The following TMEM67 variants were observed in gnomAD, a reference collection of about 807,000 sequenced individuals.
TMEM67 encodes transmembrane protein 67.
In TMEM67, 124 loss-of-function variants were observed where a neutral mutation model predicts 136.6. The observed-to-expected ratio is 0.91, with a 90% confidence interval of 0.78 to 1.05. The LOEUF is 1.05. Among genes scored for constraint, TMEM67 ranks in the 50% least tolerant of loss-of-function variants. The probability of loss-of-function intolerance (pLI) is 0.00; values close to 1 mark genes in which losing one functional copy is unlikely to be tolerated. For missense variants in TMEM67, 1,107 were observed against 1,178.4 expected, an observed-to-expected ratio of 0.94 and a Z score of 0.89; for synonymous variants, 364 against 390.5, an observed-to-expected ratio of 0.93 and a Z score of 0.80.
chr8:93,806,480 A>G (rs1359137262), intron 23 of TMEM67, among the ~76,000 whole-genome samples: 1 of 152,118 alleles, frequency 6.6e-6, no homozygotes, highest in African/African-American at 2.4e-5. Flanking sequence ...AGATGAAACA[A>G]AATTGATAAA....
intron 27 of TMEM67, among the ~76,000 whole-genome samples, chr8:93,816,164 T>A (rs569338282): frequency 6.6e-6 from 1 of 152,226 alleles, no homozygotes; most frequent in Non-Finnish European, 1.5e-5. Flanking sequence ...TATTAATTCA[T>A]AAGAATTTAC....
intron 15 of TMEM67, chr8:93,791,869 T>C (rs1302252762): frequency 1.3e-5 from 2 of 150,232 alleles, no homozygotes; most frequent in Non-Finnish European, 3.0e-5. Context: ...CCCCCTCTCA[T>C]TTTTTTTTTG....
chr8:93,766,722 T>C lies in TMEM67; in HGVS notation c.651+1076T>C, dbSNP rs530379574. Among the ~76,000 whole-genome samples, 4 of 152,170 alleles carry C rather than the reference T, an allele frequency of 2.6e-5. No homozygotes were observed. In the East Asian group the frequency reaches 7.7e-4, roughly 29 times the overall value. On this transcript the variant is annotated intron_variant, in intron 6 of 27. Transcript: ENST00000453321. ...AGAGTGATTAAGAGGACTGTGAGGA[T>C]AGCAATGATGAGGGTGGGATCTAGG...
At chr8:93,787,493 T>G (rs1033576633) in intron 13 of TMEM67, among the ~76,000 whole-genome samples, 1 of 152,236 alleles carries the variant, frequency 6.6e-6, no homozygotes, top group Admixed American at 6.5e-5. Context: ...CATGTAGCAC[T>G]GTACTTTTGA....
At chr8:93,802,800 G>A (rs768646134) in intron 21 of TMEM67, among the ~76,000 whole-genome samples, 5 of 152,120 alleles carry the variant, frequency 3.3e-5, no homozygotes, top group Non-Finnish European at 5.9e-5. Flanking sequence ...TTCAGCAGTC[G>A]GCTGGTGTAG....
In TMEM67 at chr8:93,755,798, C is replaced by T. The variant is rs762543032; in HGVS notation, c.244C>T (p.Pro82Ser). 4.7e-6 allele frequency: 6 copies of T among 1,275,700 alleles called. No homozygotes were observed. In the East Asian group the frequency reaches 1.3e-4, roughly 28 times the overall value. 79.0% of individuals were successfully genotyped at this position (1,275,700 alleles called of 1,614,324 possible). A position where few individuals can be genotyped will look rare whatever the true frequency, so the allele number is the denominator to read the frequency against. The part of the protein sequence containing the change: ...DARGTSCVCL[P>S]GFQMISNNGG... ...TTTAGGAACTTCATGTGTATGTCTACCAGGATTTCAGATGATCTCTAATAA... is the reference window on the plus strand; with the variant it reads ...TTTAGGAACTTCATGTGTATGTCTATCAGGATTTCAGATGATCTCTAATAA... The change falls in exon 2 of 28, where the codon CCA becomes TCA. Residue 82 changes from proline (P) to serine (S), a missense_variant. Pro to Ser is a moderately conservative substitution (Grantham distance 74). This residue lies in a region of TMEM67 where 178 missense variants were observed against 159.2 expected (regional missense o/e 1.12). Coordinates refer to ENST00000453321, the MANE Select transcript of TMEM67 (RefSeq NM_153704.6).
At chr8:93,824,550 CT>C in the TMEM67 span, among the ~76,000 whole-genome samples, 14 of 150,118 alleles carry the variant, frequency 9.3e-5, no homozygotes, top group African/African-American at 2.2e-4. Context: ...CATTTAATCA[CT>C]TTTTTTTTTC....
intron 5 of TMEM67, 28 bp from the exon 6 acceptor site, chr8:93,765,544 C>T (rs1222985421): frequency 3.1e-6 from 5 of 1,602,598 alleles, no homozygotes; most frequent in East Asian, 2.2e-5. Flanking sequence ...TCATAAGCTT[C>T]TATTTTTTCC....
chr8:93,785,474 G>C (rs542461653), intron 12 of TMEM67, 96 bp downstream of exon 12: 2 of 1,266,784 alleles, frequency 1.6e-6, no homozygotes, highest in Non-Finnish European at 2.3e-6. Flanking sequence ...TTATAAGAAA[G>C]GTCATGAATT....
chr8:93,792,860 G>A (rs1054243714), intron 15 of TMEM67, among the ~76,000 whole-genome samples: 3 of 147,948 alleles, frequency 2.0e-5, no homozygotes, highest in African/African-American at 7.5e-5. Context: ...TGCAAGCTCC[G>A]CTCCCAGGTT....
At chr8:93,809,982 T>G in intron 26 of TMEM67, 95 bp downstream of exon 26, 3 of 800,274 alleles carry the variant, frequency 3.7e-6, no homozygotes, top group Non-Finnish European at 6.0e-6. Flanking sequence ...TTTTTTTTTT[T>G]TTTTTAGACG....
chr8:93,775,015 T>A (rs1172037597), intron 7 of TMEM67, among the ~76,000 whole-genome samples: 2 of 152,188 alleles, frequency 1.3e-5, no homozygotes, highest in Admixed American at 1.3e-4. Flanking sequence ...CTCTCCAGCA[T>A]CTGTTGTTTC....
At chr8:93,814,046 G>A (rs1586098808) in intron 26 of TMEM67, among the ~76,000 whole-genome samples, 1 of 151,576 alleles carries the variant, frequency 6.6e-6, no homozygotes, top group East Asian at 1.9e-4. Flanking sequence ...TAAAGCAGAT[G>A]TTCCTAACTG....
the TMEM67 span, among the ~76,000 whole-genome samples, chr8:93,832,146 C>A: frequency 6.6e-6 from 1 of 152,286 alleles, no homozygotes; most frequent in East Asian, 1.9e-4. Context: ...GGTTCCTGTA[C>A]CTTTCTCCTT....
rs16916221 is a variant in TMEM67, at chr8:93,815,432, A to C, written c.2892A>C (p.Thr964=). 21,695 of 1,612,588 alleles carry C rather than the reference A, an allele frequency of 0.013. 1,672 individuals are homozygous for C. In the East Asian group the frequency reaches 0.21, roughly 16 times the overall value. Residue 964 remains threonine (T), a synonymous_variant, in exon 27 of 28, where the codon ACA becomes ACC. Transcript: ENST00000453321. ...CQNFILASFL[T]YLQQEIFRYI... is the part of the protein sequence containing the mutation. ...ATTTTATTTTAGCATCCTTCCTTAC[A>C]TATCTACAACAAGAGGTAAACTTTT...
chr8:93,819,337 C>T (rs1471301003), downstream of TMEM67: 9 of 373,186 alleles, frequency 2.4e-5, no homozygotes, highest in East Asian at 1.5e-4. Flanking sequence ...TAGAGGTCAC[C>T]GATAGATGTA....
At chr8:93,787,711 C>G in intron 13 of TMEM67, 133 bp from the exon 14 acceptor site, 1 of 724,558 alleles carries the variant, frequency 1.4e-6, no homozygotes, top group Non-Finnish European at 2.4e-6. Flanking sequence ...TGTAACCTTC[C>G]TTAGTCCTTG....
rs1814037765 is a variant in TMEM67, at chr8:93,785,219, C to CAAAA, written c.1132-2_1132-1insAAAA. ...TGCTTTTATTTTTAATTTTACTTTT[C>CAAAA]AGTGTGAGATTCCTATCTCTAAGAT... On this transcript the variant is annotated splice_polypyrimidine_tract_variant and splice_region_variant and intron_variant, in intron 11 of 27. Transcript: ENST00000453321. The CAAAA allele has an allele frequency of 1.3e-6, 2 of 1,548,902 alleles. No homozygotes were observed. Among genetic ancestry groups the CAAAA allele is most frequent in the Non-Finnish European group, 1.8e-6 (2 of 1,123,746 alleles).
the TMEM67 span, among the ~76,000 whole-genome samples, chr8:93,830,099 C>A: frequency 6.6e-6 from 1 of 152,210 alleles, no homozygotes; most frequent in South Asian, 2.1e-4. Context: ...CCCACTCAGT[C>A]TATTAGCATT....
Sources: allele counts gnomAD v4.1 joint callset (sites outside exome capture counted in the v4.1 genomes callset), GRCh38; gene constraint gnomAD v4.1.1; regional missense constraint gnomAD v4.1.1; transcripts MANE v1.5; gene names NCBI Gene and HGNC (gene_info 2026-07-23, HGNC 2026-07-21).